BLCAP: variants seen among roughly 807,000 people sequenced by gnomAD.
BLCAP encodes apoptosis inducing factor BLCAP.
BLCAP carries 1 observed loss-of-function variant against 5.7 expected under a neutral mutation model. The observed-to-expected ratio is 0.18, with a 90% CI of 0.06 to 0.83. The LOEUF (loss-of-function observed/expected upper bound fraction) is 0.83, where lower values mean the gene tolerates loss of function less well. BLCAP is among the 40% of genes least tolerant of loss of function. The pLI is 0.71. For synonymous variants in BLCAP, 48 were observed against 49.4 expected, an observed-to-expected ratio of 0.97 and a Z score of 0.11; for missense variants, 66 against 107.6, an observed-to-expected ratio of 0.61 and a Z score of 1.71.
At chr20:37,522,735 G>A in intron 1 of BLCAP, 4 of 1,608,136 alleles carry the variant, frequency 2.5e-6, no homozygotes. Flanking sequence ...TGTTGGGGGA[G>A]CGCAGGCAGC....
At chr20:37,522,916 A>G (rs948388280) in intron 1 of BLCAP, 34 of 610,810 alleles carry the variant, frequency 5.6e-5, no homozygotes, top group Non-Finnish European at 5.4e-5. Context: ...AGACCCCCGG[A>G]GAAGCAGTAC....
Position 37,521,489 on chromosome 20 carries a change from C to A in BLCAP, c.-176-2139G>T, listed in dbSNP as rs2071570890. The stretch of plus-strand genomic sequence containing the variant: ...AGACTGCGTCGCGATTGCCGCTTCC[C>A]GGACCCGTCCTATTCCGATTGCCGC... On this transcript the variant is annotated intron_variant, in intron 1 of 1. Coordinates refer to ENST00000373537, the MANE Select transcript of BLCAP (RefSeq NM_006698.4). This position sits in a 1 kb window ranked among gnomAD's most constrained non-coding sequence, Gnocchi z 4.5. The A allele has an allele frequency of 6.7e-6, 9 of 1,333,716 alleles. No individual in the cohort carries two copies. Among genetic ancestry groups the A allele is most frequent in the Non-Finnish European group, 9.7e-6 (9 of 927,402 alleles). The allele number at this position is 1,333,716 out of a possible 1,614,324, so 82.6% of individuals were successfully genotyped here.
At chr20:37,519,752 C>T (rs1601086422) in intron 1 of BLCAP, among the ~76,000 whole-genome samples, 2 of 152,222 alleles carry the variant, frequency 1.3e-5, no homozygotes, top group Admixed American at 1.3e-4. Context: ...TGCCAAAGGA[C>T]GACCAAGGGC....
At chr20:37,525,756 G>C (rs1458766152) in intron 1 of BLCAP, among the ~76,000 whole-genome samples, 1 of 152,182 alleles carries the variant, frequency 6.6e-6, no homozygotes, top group Non-Finnish European at 1.5e-5. Context: ...TTCTGATAGA[G>C]AGCAATGCGA....
intron 1 of BLCAP, among the ~76,000 whole-genome samples, chr20:37,525,888 A>T (rs1316777889): frequency 6.6e-6 from 1 of 152,166 alleles, no homozygotes; most frequent in Non-Finnish European, 1.5e-5. Flanking sequence ...GACAGAGCAG[A>T]TCGGTTGGGA....
intron 1 of BLCAP, among the ~76,000 whole-genome samples, chr20:37,522,172 T>C (rs991629411): frequency 1.4e-5 from 1 of 71,628 alleles, no homozygotes; most frequent in Non-Finnish European, 2.6e-5. Flanking sequence ...AAAAGGACAA[T>C]TGCTTTACAA....
In BLCAP at chr20:37,521,355, G is replaced by A. The variant is rs756533842; in HGVS notation, c.-176-2005C>T. 1.2e-6 allele frequency: 2 copies of A among 1,613,948 alleles called. No homozygotes were observed. The highest frequency in any genetic ancestry group is 1.3e-5 in the African/African-American group (1 of 74,918). On this transcript the variant is annotated intron_variant, in intron 1 of 1. Coordinates refer to ENST00000373537, the MANE Select transcript of BLCAP (RefSeq NM_006698.4). The surrounding 1 kb of genome is among the most constrained non-coding windows in gnomAD (Gnocchi z 4.5). ...CCATGGCGGCAGTGGCGGCGGCCTC[G>A]GCTGAACTGCTCATCATCGGCTGGT... is the stretch of plus-strand genomic sequence containing the variant.
intron 1 of BLCAP, chr20:37,522,598 G>GGGGGGGGGGGGGGGGGGCC: frequency 1.2e-6 from 1 of 864,372 alleles, no homozygotes. Flanking sequence ...GCGGGGGTGG[G>GGGGGGGGGGGGGGGGGGCC]CACGGCAGCA....
At chr20:37,523,939 T>TC (rs1272287669) in intron 1 of BLCAP, among the ~76,000 whole-genome samples, 1 of 152,130 alleles carries the variant, frequency 6.6e-6, no homozygotes, top group Non-Finnish European at 1.5e-5. Flanking sequence ...AGGGACCACT[T>TC]CCCCCTCCCC....
Position 37,518,792 on chromosome 20 carries a change from C to G in BLCAP, c.*119G>C. ...GATAAAACATCACAGGCCAAAAAGG[C>G]GCCGTCAGGAATGTGACACCCGCGA... On this transcript the variant is annotated 3_prime_UTR_variant, in exon 2 of 2. Transcript: ENST00000373537. 7.1e-7 allele frequency: 1 copy of G among 1,402,648 alleles called. No individual in the cohort carries two copies. The highest frequency in any genetic ancestry group is 9.6e-7 in the Non-Finnish European group (1 of 1,038,224). The allele number at this position is 1,402,648 out of a possible 1,614,324, so 86.9% of individuals were successfully genotyped here. A position where few individuals can be genotyped will look rare whatever the true frequency, so the allele number is the denominator to read the frequency against.
intron 1 of BLCAP, 78 bp from the exon 2 acceptor site, chr20:37,519,428 A>AAAAAAAAG (rs2071494699): frequency 3.0e-6 from 1 of 333,152 alleles, no homozygotes; most frequent in African/African-American, 2.3e-5. Flanking sequence ...AAAAAAGAAA[A>AAAAAAAAG]AAAAAAAAAA....
rs2071423203 is a variant in BLCAP, at chr20:37,517,475, A to G, written c.*1436T>C. 6.6e-6 allele frequency: 1 copy of G among 152,606 alleles called. No individual in the cohort carries two copies. The highest frequency in any genetic ancestry group is 1.5e-5 in the Non-Finnish European group (1 of 68,032). 9.5% of individuals were successfully genotyped at this position (152,606 alleles called of 1,614,324 possible). A position where few individuals can be genotyped will look rare whatever the true frequency, so the allele number is the denominator to read the frequency against. ...CAGCTGTGCAACGAACACACCAAAT[A>G]AAAGCTCTAGAATAGCAGTCCAGAC... On this transcript the variant is annotated 3_prime_UTR_variant, in exon 2 of 2. Transcript: ENST00000373537.
intron 1 of BLCAP, among the ~76,000 whole-genome samples, chr20:37,527,300 C>T (rs963107795): frequency 1.3e-5 from 2 of 152,168 alleles, no homozygotes; most frequent in Admixed American, 1.3e-4. Context: ...CCTATCACCC[C>T]AGACACCGAA....
chr20:37,522,428 C>G, intron 1 of BLCAP: 1 of 1,613,686 alleles, frequency 6.2e-7, no homozygotes, highest in Non-Finnish European at 8.5e-7. Flanking sequence ...CAGCCCATTG[C>G]GAGAAGTGAG....
chr20:37,524,654 C>G (rs2071689890), intron 1 of BLCAP: 1 of 152,346 alleles, frequency 6.6e-6, no homozygotes, highest in Admixed American at 6.5e-5. Flanking sequence ...TTAGTCACAG[C>G]TGTCACAAAT....
intron 1 of BLCAP, among the ~76,000 whole-genome samples, chr20:37,519,625 C>T (rs939536002): frequency 2.0e-5 from 3 of 152,146 alleles, no homozygotes; most frequent in Non-Finnish European, 2.9e-5. Flanking sequence ...CTCTTTGGCA[C>T]GGTTTCACAC....
At chr20:37,527,490 GC>G in intron 1 of BLCAP, 1 of 152,390 alleles carries the variant, frequency 6.6e-6, no homozygotes, top group Non-Finnish European at 1.5e-5. Flanking sequence ...CCAGCCCCGT[GC>G]CCCCGGCTCT....
chr20:37,522,351 C>T, intron 1 of BLCAP: 3 of 1,613,180 alleles, frequency 1.9e-6, no homozygotes, highest in Non-Finnish European at 2.5e-6. Flanking sequence ...CGCATATTTC[C>T]TTCAAGGTGT....
chr20:37,526,895 C>T (rs2071731278), intron 1 of BLCAP: 1 of 152,208 alleles, frequency 6.6e-6, no homozygotes, highest in Admixed American at 6.5e-5. Context: ...GTGTTGCCGT[C>T]CAGAAGGCTG....
Sources: gnomAD v4.1 joint callset for allele counts (sites outside exome capture counted in the v4.1 genomes callset) on GRCh38, gnomAD v4.1.1 for gene constraint, Gnocchi (gnomAD v3.1) non-coding constraint, MANE v1.5 for transcripts, NCBI Gene and HGNC (gene_info 2026-07-23, HGNC 2026-07-21) for gene names.